Variants in CNBD1 observed in about 807,000 individuals in gnomAD.
The protein encoded by CNBD1 is cyclic nucleotide-binding domain-containing protein 1.
CNBD1 carries 71 observed loss-of-function variants against 54.4 expected under a neutral mutation model. That is an observed-to-expected ratio of 1.30 (90% confidence interval 1.08 to 1.59). CNBD1 has a LOEUF of 1.59. Ranked by LOEUF, CNBD1 falls within the 40% of genes most tolerant of loss-of-function variation. CNBD1 has a pLI of 0.00. For missense variants in CNBD1, 659 were observed against 518.0 expected (o/e 1.27, Z -2.64); for synonymous variants, 182 against 170.7 (o/e 1.07, Z -0.51).
At chr8:87,364,699 G>C (rs1208726770) in intron 10 of CNBD1, among the ~76,000 whole-genome samples, 1 of 151,768 alleles carries the variant, frequency 6.6e-6, no homozygotes, top group Non-Finnish European at 1.5e-5. Flanking sequence ...GTGCATTCAT[G>C]TGTTCTCATC....
intron 6 of CNBD1, among the ~76,000 whole-genome samples, chr8:87,258,431 T>A (rs1412768906): frequency 4.6e-5 from 7 of 151,664 alleles, no homozygotes; most frequent in African/African-American, 1.5e-4. Flanking sequence ...TTATTTCTTT[T>A]TTTTCTTTTT....
chr8:86,874,616 T>G (rs941427557), intron 1 of CNBD1, among the ~76,000 whole-genome samples: 5 of 152,152 alleles, frequency 3.3e-5, no homozygotes, highest in Non-Finnish European at 5.9e-5. Context: ...CGTTCTTTAT[T>G]TGGGTTAAAA....
chr8:86,964,408 C>G (rs1808016822), intron 4 of CNBD1, among the ~76,000 whole-genome samples: 1 of 152,182 alleles, frequency 6.6e-6, no homozygotes, highest in South Asian at 2.1e-4. Flanking sequence ...AGATGTAAAG[C>G]TTATCCTAAA....
intron 4 of CNBD1, among the ~76,000 whole-genome samples, chr8:86,966,603 C>T (rs1356531146): frequency 6.6e-6 from 1 of 152,170 alleles, no homozygotes; most frequent in African/African-American, 2.4e-5. Flanking sequence ...CATCGTCTCA[C>T]TGGCTTCAGG....
chr8:87,319,055 T>C (rs548994840), intron 8 of CNBD1, among the ~76,000 whole-genome samples: 4 of 151,988 alleles, frequency 2.6e-5, no homozygotes, highest in Non-Finnish European at 4.4e-5. Context: ...ATCAACATAA[T>C]GGTGTGTGTT....
chr8:87,367,196 G>A (rs1001609441), intron 10 of CNBD1, among the ~76,000 whole-genome samples: 1 of 152,152 alleles, frequency 6.6e-6, no homozygotes, highest in East Asian at 1.9e-4. Context: ...CTTTGAGAGG[G>A]CAGGCCAATT....
At chr8:86,991,388 CTCTG>C (rs1450072164) in intron 4 of CNBD1, among the ~76,000 whole-genome samples, 1 of 151,754 alleles carries the variant, frequency 6.6e-6, no homozygotes, top group Non-Finnish European at 1.5e-5. Flanking sequence ...CACACACTCT[CTCTG>C]TCTCTCTCTC....
At chr8:87,310,806 AG>A (rs779214181) in intron 8 of CNBD1, among the ~76,000 whole-genome samples, 1 of 152,168 alleles carries the variant, frequency 6.6e-6, no homozygotes, top group Non-Finnish European at 1.5e-5. Flanking sequence ...GGAAAAGAAT[AG>A]AGAACCTAGA....
chr8:86,990,615 C>T (rs1360433967), intron 4 of CNBD1, among the ~76,000 whole-genome samples: 1 of 152,128 alleles, frequency 6.6e-6, no homozygotes, highest in Non-Finnish European at 1.5e-5. Flanking sequence ...AATTTGAAGT[C>T]AGGTAATGTG....
chr8:87,245,268 A>G (rs1395300329), intron 6 of CNBD1, among the ~76,000 whole-genome samples: 1 of 152,064 alleles, frequency 6.6e-6, no homozygotes, highest in Non-Finnish European at 1.5e-5. Flanking sequence ...AAAAGTAAAA[A>G]TTATACTTTG....
chr8:87,332,804 G>A (rs929771863), intron 8 of CNBD1, among the ~76,000 whole-genome samples: 1 of 151,600 alleles, frequency 6.6e-6, no homozygotes. Flanking sequence ...TTTGAAGTCA[G>A]GTGATGCCTC....
chr8:87,282,249 CTGAG>C (rs1291504777), intron 6 of CNBD1, among the ~76,000 whole-genome samples: 1 of 151,588 alleles, frequency 6.6e-6, no homozygotes, highest in African/African-American at 2.4e-5. Context: ...CTTGTCTGTT[CTGAG>C]TGTTTGAAAG....
At chr8:87,369,989 G>C (rs929596862) in intron 10 of CNBD1, among the ~76,000 whole-genome samples, 4 of 150,852 alleles carry the variant, frequency 2.7e-5, no homozygotes, top group African/African-American at 9.8e-5. Context: ...TTGGTTTTTT[G>C]TCCCTGCAAT....
At chr8:87,359,523 T>C (rs895998314) in intron 10 of CNBD1, among the ~76,000 whole-genome samples, 9 of 152,160 alleles carry the variant, frequency 5.9e-5, no homozygotes, top group Non-Finnish European at 1.0e-4. Context: ...AATGTACATT[T>C]TAAGGGCTAG....
At chr8:86,884,069 G>A (rs1176816243) in intron 1 of CNBD1, among the ~76,000 whole-genome samples, 3 of 151,072 alleles carry the variant, frequency 2.0e-5, no homozygotes, top group Non-Finnish European at 3.0e-5. Context: ...GGAGAATGGC[G>A]TGAACCCGGG....
At chr8:87,397,012 C>A (rs941977123) in intron 2 of CNBD1, among the ~76,000 whole-genome samples, 12 of 150,154 alleles carry the variant, frequency 8.0e-5, no homozygotes, top group African/African-American at 2.7e-4. Flanking sequence ...ATTTTAAAAT[C>A]TATTATTTAA....
intron 4 of CNBD1, among the ~76,000 whole-genome samples, chr8:87,201,472 A>G (rs192339393): frequency 6.6e-6 from 1 of 152,348 alleles, no homozygotes; most frequent in Non-Finnish European, 1.5e-5. Context: ...TTTTGCATAT[A>G]GAAAATCCAA....
intron 4 of CNBD1, among the ~76,000 whole-genome samples, chr8:87,018,448 C>T (rs1169042864): frequency 6.6e-6 from 1 of 152,022 alleles, no homozygotes; most frequent in Non-Finnish European, 1.5e-5. Flanking sequence ...GGATTTCAGC[C>T]TTAACTTTTT....
chr8:87,282,345 T>C (rs1248977770), intron 6 of CNBD1, among the ~76,000 whole-genome samples: 1 of 151,864 alleles, frequency 6.6e-6, no homozygotes, highest in Admixed American at 6.6e-5. Flanking sequence ...TATTTACATT[T>C]ACCAATGTTT....
Sources: allele counts gnomAD v4.1 joint callset (sites outside exome capture counted in the v4.1 genomes callset), GRCh38; gene constraint gnomAD v4.1.1; transcripts MANE v1.5; gene names NCBI Gene and HGNC (gene_info 2026-07-23, HGNC 2026-07-21).